The following SLC60A2 variants were observed in gnomAD, a reference collection of about 807,000 sequenced individuals.
The protein encoded by SLC60A2 is major facilitator superfamily domain containing 4B.
the SLC60A2 span, among the ~76,000 whole-genome samples, chr6:111,262,762 C>T: frequency 1.3e-5 from 2 of 152,152 alleles, no homozygotes; most frequent in Non-Finnish European, 2.9e-5. Flanking sequence ...CCTGGGGTCA[C>T]CACAGATCAG....
At chr6:111,278,632 G>C in the SLC60A2 span, 1 of 152,124 alleles carries the variant, frequency 6.6e-6, no homozygotes, top group Non-Finnish European at 1.5e-5. Flanking sequence ...CCCTCATTTT[G>C]CCTGCTGCCA....
chr6:111,276,025 A>G, the SLC60A2 span, among the ~76,000 whole-genome samples: 2 of 152,250 alleles, frequency 1.3e-5, no homozygotes, highest in East Asian at 1.9e-4. Flanking sequence ...GGGATCATAC[A>G]GTTTTTGTCC....
chr6:111,266,295 G>A, the SLC60A2 span: 1 of 1,614,188 alleles, frequency 6.2e-7, no homozygotes, highest in Non-Finnish European at 8.5e-7. Context: ...TGTTGGAGCT[G>A]AGGTAACATA....
chr6:111,268,289 A>C, the SLC60A2 span: 1 of 152,182 alleles, frequency 6.6e-6, no homozygotes, highest in Non-Finnish European at 1.5e-5. Flanking sequence ...ATTGATTCTA[A>C]GTTGCACTTT....
the SLC60A2 span, among the ~76,000 whole-genome samples, chr6:111,271,804 A>AAAAAAAAAAAAAAAAAAAT: frequency 1.1e-5 from 1 of 88,288 alleles, no homozygotes; most frequent in Non-Finnish European, 2.9e-5. Flanking sequence ...AAAAAAAAAA[A>AAAAAAAAAAAAAAAAAAAT]AAGTACAAAT....
chr6:111,274,000 A>T, the SLC60A2 span, among the ~76,000 whole-genome samples: 5 of 150,710 alleles, frequency 3.3e-5, no homozygotes, highest in African/African-American at 1.2e-4. Flanking sequence ...AATTACAGGC[A>T]TGAGCCACTG....
the SLC60A2 span, among the ~76,000 whole-genome samples, chr6:111,275,197 A>C: frequency 6.6e-6 from 1 of 151,934 alleles, no homozygotes; most frequent in Non-Finnish European, 1.5e-5. Flanking sequence ...GTAAGCCACG[A>C]TACCCCACTC....
chr6:111,266,270 G>A, the SLC60A2 span: 1 of 1,613,946 alleles, frequency 6.2e-7, no homozygotes, highest in Non-Finnish European at 8.5e-7. Context: ...TCCTTTTTCT[G>A]TTCTTCTTTT....
At chr6:111,271,774 C>CCAAAAAA in the SLC60A2 span, among the ~76,000 whole-genome samples, 8 of 6,274 alleles carry the variant, frequency 1.3e-3, 1 homozygote, top group Non-Finnish European at 2.5e-3. Flanking sequence ...CCCATCTCTA[C>CCAAAAAA]TAAAAAAAAA....
chr6:111,272,272 G>A, the SLC60A2 span, among the ~76,000 whole-genome samples: 1 of 151,918 alleles, frequency 6.6e-6, no homozygotes, highest in Non-Finnish European at 1.5e-5. Context: ...CAAAGTGCTG[G>A]GATTACATGC....
the SLC60A2 span, chr6:111,267,198 T>A: frequency 1.5e-6 from 2 of 1,372,960 alleles, no homozygotes; most frequent in Non-Finnish European, 2.0e-6. Context: ...ATTAGCAGAA[T>A]TTCACCATGC....
the SLC60A2 span, among the ~76,000 whole-genome samples, chr6:111,276,067 T>C: frequency 6.6e-6 from 1 of 152,244 alleles, no homozygotes; most frequent in South Asian, 2.1e-4. Flanking sequence ...CTTAACATAA[T>C]GTCTTCAAGG....
At chr6:111,267,118 A>C in the SLC60A2 span, 1 of 1,599,474 alleles carries the variant, frequency 6.3e-7, no homozygotes, top group African/African-American at 1.3e-5. Flanking sequence ...ACTAACGTTT[A>C]GAGAAGATGG....
the SLC60A2 span, among the ~76,000 whole-genome samples, chr6:111,275,881 C>T: frequency 3.6e-4 from 55 of 152,292 alleles, no homozygotes; most frequent in South Asian, 1.2e-3. Context: ...ATCCACAGAA[C>T]GTTTTTTACC....
chr6:111,266,805 C>T, the SLC60A2 span: 1 of 1,613,890 alleles, frequency 6.2e-7, no homozygotes, highest in Non-Finnish European at 8.5e-7. Flanking sequence ...TCTTGATCGC[C>T]AGCGAAAAGA....
the SLC60A2 span, among the ~76,000 whole-genome samples, chr6:111,262,724 C>T: frequency 1.7e-4 from 26 of 152,170 alleles, no homozygotes; most frequent in African/African-American, 6.3e-4. Flanking sequence ...GTCCAAAAAA[C>T]TCTGCTTAGA....
the SLC60A2 span, among the ~76,000 whole-genome samples, chr6:111,275,278 A>C: frequency 1.3e-5 from 2 of 152,110 alleles, no homozygotes; most frequent in Non-Finnish European, 2.9e-5. Context: ...TGTGTTTAAT[A>C]GATTCTGTAA....
chr6:111,271,134 C>T, the SLC60A2 span: 6 of 128,036 alleles, frequency 4.7e-5, no homozygotes, highest in South Asian at 9.4e-4. Context: ...CGCCACTACA[C>T]TCCAGCCTGG....
the SLC60A2 span, among the ~76,000 whole-genome samples, chr6:111,263,343 TAATA>T: frequency 6.6e-6 from 1 of 152,228 alleles, no homozygotes; most frequent in Non-Finnish European, 1.5e-5. Flanking sequence ...GTTAAGGAAT[TAATA>T]AATAATCCCT....
Sources: allele counts gnomAD v4.1 joint callset (sites outside exome capture counted in the v4.1 genomes callset), GRCh38; gene constraint gnomAD v4.1.1; transcripts MANE v1.5; gene names NCBI Gene and HGNC (gene_info 2026-07-23, HGNC 2026-07-21).